The following SOBP variants were observed in gnomAD, a reference collection of about 807,000 sequenced individuals.
The protein encoded by SOBP is sine oculis binding protein homolog, also known as sine oculis-binding protein homolog.
Under a neutral mutation model 53.6 loss-of-function variants are expected in SOBP, and 4 were observed. That is an observed-to-expected ratio of 0.07 (90% CI 0.04 to 0.17). The LOEUF (loss-of-function observed/expected upper bound fraction) is 0.17, where lower values mean the gene tolerates loss of function less well. Ranked by LOEUF, SOBP falls within the 10% of genes least tolerant of loss-of-function variation. The pLI, the probability that SOBP is intolerant of heterozygous loss-of-function variation, is 1.00. For synonymous variants in SOBP, 584 were observed against 522.6 expected (o/e 1.12, Z -1.60); for missense variants, 1,088 against 1,204.7 (o/e 0.90, Z 1.43).
intron 4 of SOBP, among the ~76,000 whole-genome samples, chr6:107,562,708 A>G (rs1784806455): frequency 6.6e-6 from 1 of 152,198 alleles, no homozygotes; most frequent in Non-Finnish European, 1.5e-5. Context: ...TCCCTTGAGG[A>G]AGGGACTGAA....
intron 6 of SOBP, among the ~76,000 whole-genome samples, chr6:107,653,626 C>T (rs1771899096): frequency 6.6e-6 from 1 of 152,142 alleles, no homozygotes; most frequent in Non-Finnish European, 1.5e-5. Flanking sequence ...GAAGACAGGA[C>T]AGACCTACTG....
At chr6:107,538,586 G>A (rs1737707786) in intron 4 of SOBP, among the ~76,000 whole-genome samples, 1 of 152,116 alleles carries the variant, frequency 6.6e-6, no homozygotes, top group African/African-American at 2.4e-5. Context: ...GCTGCACCCT[G>A]GCCTGCAGGA....
rs1192090601 is a variant in SOBP, at chr6:107,503,596, G to A, written c.97-61G>A. On this transcript the variant is annotated intron_variant, in intron 1 of 6. Transcript: ENST00000317357. Reference sequence around the variant, plus strand: ...GTAGGACAAGCAGAATTCAATTTATGCATTCTTTTCAAGTAGTTATTGATT... The same window carrying A: ...GTAGGACAAGCAGAATTCAATTTATACATTCTTTTCAAGTAGTTATTGATT... 1.9e-6 allele frequency: 3 copies of A among 1,573,130 alleles called. No individual in the cohort carries two copies. The African/African-American group carries it at 4.1e-5, about 21-fold the overall frequency.
rs142047921 is a variant in SOBP, at chr6:107,529,231, T to C, written c.422-4228T>C. Among the ~76,000 whole-genome samples, 1,280 of 152,376 alleles carry C rather than the reference T, an allele frequency of 8.4e-3. 24 individuals are homozygous for C. Among genetic ancestry groups the C allele is most frequent in the African/African-American group, 0.026 (1,082 of 41,586 alleles). On this transcript the variant is annotated intron_variant, in intron 3 of 6. Transcript: ENST00000317357. The stretch of plus-strand genomic sequence containing the variant: ...AGGAATTTCTTTTTTGCAGAAGTTA[T>C]AAAGAAAGCAAACTTCAGTTTCTTG...
intron 4 of SOBP, among the ~76,000 whole-genome samples, chr6:107,551,998 G>A (rs1008470770): frequency 6.6e-6 from 1 of 152,140 alleles, no homozygotes; most frequent in African/African-American, 2.4e-5. Flanking sequence ...TCCAGCCTGG[G>A]CATCAGAGCA....
intron 6 of SOBP, among the ~76,000 whole-genome samples, chr6:107,644,498 C>T (rs1043668159): frequency 1.3e-5 from 2 of 152,138 alleles, no homozygotes; most frequent in African/African-American, 2.4e-5. Flanking sequence ...TCATAGGTAG[C>T]CTGTTTGTGC....
intron 3 of SOBP, among the ~76,000 whole-genome samples, chr6:107,515,733 C>T (rs926481813): frequency 8.5e-5 from 13 of 152,054 alleles, no homozygotes; most frequent in African/African-American, 2.7e-4. Flanking sequence ...TGTGTGACAG[C>T]GAGACTCTGT....
At position 107,490,388 on chromosome 6, in the gene SOBP, C is replaced by T. The variant is rs1275601547; in HGVS notation, c.-229C>T. Reference sequence around the variant, plus strand: ...CGACGGCGGCGGCATCCCCGAGACTCTCCGCACTATCCTTACCCGTGACAG... The same window carrying T: ...CGACGGCGGCGGCATCCCCGAGACTTTCCGCACTATCCTTACCCGTGACAG... On this transcript the variant is annotated 5_prime_UTR_variant, in exon 1 of 7. Transcript: ENST00000317357. 1 of 358,940 alleles carries T rather than the reference C, an allele frequency of 2.8e-6. No individual in the cohort carries two copies. Among genetic ancestry groups the T allele is most frequent in the African/African-American group, 2.3e-5 (1 of 43,978 alleles). The allele number at this position is 358,940 out of a possible 1,614,324, so 22.2% of individuals were successfully genotyped here.
chr6:107,581,099 C>T (rs541062877), intron 4 of SOBP, among the ~76,000 whole-genome samples: 7 of 152,292 alleles, frequency 4.6e-5, no homozygotes, highest in East Asian at 1.9e-4. Flanking sequence ...CTGGTCAGAA[C>T]GCAGTTTCCA....
chr6:107,657,736 G>T (rs1772126541), intron 6 of SOBP, among the ~76,000 whole-genome samples: 3 of 152,000 alleles, frequency 2.0e-5, no homozygotes, highest in Admixed American at 2.0e-4. Flanking sequence ...CCAGCACTTT[G>T]GGAGGCTGAG....
intron 3 of SOBP, among the ~76,000 whole-genome samples, chr6:107,526,895 CTG>C (rs1330530832): frequency 6.6e-6 from 1 of 152,096 alleles, no homozygotes; most frequent in African/African-American, 2.4e-5. Context: ...AAGTACTACT[CTG>C]TTTAGAGAGG....
At chr6:107,551,185 G>T (rs9480782) in intron 4 of SOBP, among the ~76,000 whole-genome samples, 1,932 of 152,260 alleles carry the variant, frequency 0.013, 44 homozygotes, top group African/African-American at 0.043. Flanking sequence ...GTGGCGGGGG[G>T]TGGTTACCAC....
At position 107,635,337 on chromosome 6, in the gene SOBP, G is replaced by C; in HGVS notation, c.2493G>C (p.Val831=). The C allele has an allele frequency of 6.2e-7, 1 of 1,613,640 alleles. No homozygotes were observed. The highest frequency in any genetic ancestry group is 1.1e-5 in the South Asian group (1 of 91,082). Residue 831 remains valine, a synonymous_variant, in exon 6 of 7, where the codon GTG becomes GTC. Transcript: ENST00000317357. The surrounding 1 kb of genome is among the most constrained non-coding windows in gnomAD (Gnocchi z 4.5). ...LPKTGCVIQP[V]PKPAEKAAMA... Reference sequence around the variant, plus strand: ...AGACCGGCTGCGTGATCCAGCCTGTGCCAAAACCCGCGGAGAAGGCTGCCA... The same window carrying C: ...AGACCGGCTGCGTGATCCAGCCTGTCCCAAAACCCGCGGAGAAGGCTGCCA...
chr6:107,583,162 T>G (rs969041409), intron 4 of SOBP, among the ~76,000 whole-genome samples: 2 of 152,224 alleles, frequency 1.3e-5, no homozygotes, highest in African/African-American at 2.4e-5. Flanking sequence ...ATGGATGTTG[T>G]CTAACATTGC....
intron 4 of SOBP, among the ~76,000 whole-genome samples, chr6:107,575,728 AATAAT>A (rs1048432466): frequency 2.6e-5 from 4 of 152,150 alleles, no homozygotes; most frequent in African/African-American, 9.7e-5. Flanking sequence ...ATGTAATAAT[AATAAT>A]AATAAGAAGA....
At chr6:107,520,159 A>AC (rs1374091906) in intron 3 of SOBP, among the ~76,000 whole-genome samples, 1 of 152,212 alleles carries the variant, frequency 6.6e-6, no homozygotes, top group African/African-American at 2.4e-5. Context: ...CTCCTATGGT[A>AC]GGGGTAAGGA....
intron 4 of SOBP, among the ~76,000 whole-genome samples, chr6:107,556,094 T>C (rs1422007434): frequency 6.6e-6 from 1 of 152,226 alleles, no homozygotes; most frequent in African/African-American, 2.4e-5. Flanking sequence ...CTCTGTAATA[T>C]GCATTTACAC....
chr6:107,660,774 G>A lies in SOBP; in HGVS notation c.*2571G>A, dbSNP rs994585350. 5.9e-5 allele frequency among the ~76,000 whole-genome samples: 9 copies of A among 152,134 alleles called. No homozygotes were observed. Among genetic ancestry groups the A allele is most frequent in the African/African-American group, 1.4e-4 (6 of 41,418 alleles). On this transcript the variant is annotated 3_prime_UTR_variant, in exon 7 of 7. Transcript: ENST00000317357. ...AAACAGAAGCCTAGAAAAGCAACTC[G>A]ACCTGTTCAGAGTCTCGCACTTAGT...
chr6:107,613,245 T>C (rs1786663945), intron 5 of SOBP, among the ~76,000 whole-genome samples: 2 of 152,200 alleles, frequency 1.3e-5, no homozygotes, highest in South Asian at 4.1e-4. Flanking sequence ...CTGTAGCCAC[T>C]TACATCTTAT....
Sources: gnomAD v4.1 joint callset for allele counts (sites outside exome capture counted in the v4.1 genomes callset) on GRCh38, gnomAD v4.1.1 for gene constraint, Gnocchi (gnomAD v3.1) non-coding constraint, MANE v1.5 for transcripts, NCBI Gene and HGNC (gene_info 2026-07-23, HGNC 2026-07-21) for gene names.